Variants in CRIM1 observed in about 807,000 individuals in gnomAD.
CRIM1 encodes the protein cysteine-rich motor neuron 1 protein.
CRIM1 carries 32 observed loss-of-function variants against 116.4 expected under a neutral mutation model. The observed-to-expected ratio is 0.27, with a 90% CI of 0.21 to 0.37. CRIM1 has a LOEUF of 0.37. CRIM1 is among the 10% of genes least tolerant of loss of function. CRIM1 has a pLI of 1.00. For missense variants in CRIM1, 1,331 were observed against 1,354.8 expected (o/e 0.98, Z 0.28); for synonymous variants, 590 against 509.2 (o/e 1.16, Z -2.13).
intron 2 of CRIM1, among the ~76,000 whole-genome samples, chr2:36,430,460 T>G (rs961313172): frequency 6.6e-6 from 1 of 152,242 alleles, no homozygotes; most frequent in Non-Finnish European, 1.5e-5. Flanking sequence ...ATTTTTGTTT[T>G]TGCTACAGGT....
At chr2:36,506,865 T>A (rs1459074694) in intron 8 of CRIM1, among the ~76,000 whole-genome samples, 1 of 149,478 alleles carries the variant, frequency 6.7e-6, no homozygotes, top group African/African-American at 2.4e-5. Flanking sequence ...TATTTATTTA[T>A]TTTTTTTTTA....
In CRIM1 at chr2:36,359,303, T is replaced by C. The variant is rs140471088; in HGVS notation, c.331+2680T>C. Among the ~76,000 whole-genome samples the C allele has an allele frequency of 2.4e-4, 37 of 152,348 alleles. 1 individual carries two copies. In the East Asian group the frequency reaches 6.7e-3, roughly 28 times the overall value. On this transcript the variant is annotated intron_variant, in intron 1 of 16. Transcript: ENST00000280527. ...AAACATATTGCATGTTATAGAAATA[T>C]TATCATGACTAATCTCCCTGCTTTC...
intron 13 of CRIM1, among the ~76,000 whole-genome samples, chr2:36,533,822 C>A (rs1052899327): frequency 1.3e-4 from 20 of 152,272 alleles, no homozygotes; most frequent in African/African-American, 4.8e-4. Context: ...AGGTCAGTAT[C>A]ATTCAGAAAA....
chr2:36,389,136 T>A (rs1671389342), intron 1 of CRIM1, among the ~76,000 whole-genome samples: 1 of 152,256 alleles, frequency 6.6e-6, no homozygotes, highest in African/African-American at 2.4e-5. Context: ...AAATACATTT[T>A]TGTAACATGA....
intron 6 of CRIM1, among the ~76,000 whole-genome samples, chr2:36,477,969 C>G (rs1679115506): frequency 1.3e-5 from 2 of 152,172 alleles, no homozygotes; most frequent in African/African-American, 4.8e-5. Context: ...TCTTGTGAGC[C>G]TTCCTGTCCT....
chr2:36,465,954 C>T (rs1426510789), intron 5 of CRIM1, among the ~76,000 whole-genome samples: 1 of 151,232 alleles, frequency 6.6e-6, no homozygotes. Context: ...GGCGCAATCT[C>T]GGCTCACTGC....
Position 36,445,486 on chromosome 2 carries a change from C to CGGGA in CRIM1, c.869+2751_869+2752insGGGA, listed in dbSNP as rs879527421. 3.7e-3 allele frequency among the ~76,000 whole-genome samples: 560 copies of CGGGA among 152,354 alleles called. 6 individuals carry two copies. The Middle Eastern group carries it at 0.068, about 19-fold the overall frequency. On this transcript the variant is annotated intron_variant, in intron 4 of 16. Transcript: ENST00000280527. ...TAGAAACTTCCCACATAATCCTTTC[C>CGGGA]TATGCTGTCAGTTAATTATCGACTT...
In CRIM1 at chr2:36,455,006, C is replaced by T. The variant is rs115253661; in HGVS notation, c.870-9528C>T. The stretch of plus-strand genomic sequence containing the variant: ...TTTGGGCTCCGTTGTTAAAGAGGTA[C>T]AGTCAGGAGGAGGTTCAGGCCGCAG... On this transcript the variant is annotated intron_variant, in intron 4 of 16. Transcript: ENST00000280527. Among the ~76,000 whole-genome samples, 1,063 of 152,194 alleles carry T rather than the reference C, an allele frequency of 7.0e-3. 9 individuals carry two copies. Among genetic ancestry groups the T allele is most frequent in the African/African-American group, 0.025 (1,025 of 41,518 alleles).
intron 2 of CRIM1, among the ~76,000 whole-genome samples, chr2:36,405,658 A>G (rs948710099): frequency 6.6e-6 from 1 of 152,210 alleles, no homozygotes; most frequent in Non-Finnish European, 1.5e-5. Flanking sequence ...CTGCACAGAG[A>G]AATGGATTTG....
At chr2:36,373,600 T>G (rs756041736) in intron 1 of CRIM1, among the ~76,000 whole-genome samples, 1 of 152,152 alleles carries the variant, frequency 6.6e-6, no homozygotes, top group South Asian at 2.1e-4. Flanking sequence ...TTTTGAGAGG[T>G]AGAAATGAAG....
chr2:36,402,343 G>C (rs1228476142), intron 2 of CRIM1, among the ~76,000 whole-genome samples: 1 of 151,168 alleles, frequency 6.6e-6, no homozygotes, highest in Non-Finnish European at 1.5e-5. Context: ...CCTGAGGAGA[G>C]AGAATTCCAT....
Position 36,394,332 on chromosome 2 carries a change from C to T in CRIM1, c.332-2282C>T, listed in dbSNP as rs543072716. On this transcript the variant is annotated intron_variant, in intron 1 of 16. Transcript: ENST00000280527. ...TTTGCATATGTAGTCACAAAAATTC[C>T]TTCATGGCAAATCTGACTGAACTGT... 2.0e-5 allele frequency among the ~76,000 whole-genome samples: 3 copies of T among 152,168 alleles called. No individual in the cohort carries two copies. In the East Asian group the frequency reaches 5.8e-4, roughly 29 times the overall value.
intron 1 of CRIM1, among the ~76,000 whole-genome samples, chr2:36,391,775 T>G (rs1671624032): frequency 6.7e-6 from 1 of 148,872 alleles, no homozygotes; most frequent in African/African-American, 2.5e-5. Flanking sequence ...TTTTTTTCTT[T>G]TTCCACTTTG....
chr2:36,440,017 A>T (rs932112329), intron 2 of CRIM1, among the ~76,000 whole-genome samples: 72 of 152,216 alleles, frequency 4.7e-4, no homozygotes, highest in Non-Finnish European at 9.0e-4. Context: ...TTAGGTAGAC[A>T]AGAAATAGAT....
In CRIM1 at chr2:36,522,175, G is replaced by T. The variant is rs991652057; in HGVS notation, c.2290G>T (p.Ala764Ser). 2 of 1,614,190 alleles carry T rather than the reference G, an allele frequency of 1.2e-6. No individual in the cohort carries two copies. The highest frequency in any genetic ancestry group is 3.3e-5 in the Admixed American group (2 of 60,026). ...TGATGAAGGGGATATATTCCTGGCA[G>T]CTGAGTCCTGGAAGCCTGACGTTTG... Reference protein sequence around the residue: ...KNDEGDIFLAAESWKPDVCTS... With the variant: ...KNDEGDIFLASESWKPDVCTS... Residue 764 changes from alanine to serine, a missense_variant, in exon 13 of 17, where the codon GCT (alanine) becomes TCT (serine). Transcript: ENST00000280527.
At chr2:36,510,794 A>T (rs1664619021) in intron 9 of CRIM1, among the ~76,000 whole-genome samples, 1 of 151,270 alleles carries the variant, frequency 6.6e-6, no homozygotes, top group African/African-American at 2.4e-5. Flanking sequence ...AAGCACCTAT[A>T]TTTGCCTTTA....
chr2:36,387,692 GT>G (rs1671269479), intron 1 of CRIM1, among the ~76,000 whole-genome samples: 1 of 152,146 alleles, frequency 6.6e-6, no homozygotes, highest in Non-Finnish European at 1.5e-5. Context: ...CTAACTTTGA[GT>G]AACTTCCTGG....
intron 14 of CRIM1, among the ~76,000 whole-genome samples, chr2:36,543,541 G>A (rs924300211): frequency 6.6e-6 from 1 of 152,176 alleles, no homozygotes; most frequent in East Asian, 1.9e-4. Context: ...TGCCCGAAAG[G>A]AAATACGTGC....
chr2:36,456,003 T>C (rs1677104588), intron 4 of CRIM1, among the ~76,000 whole-genome samples: 1 of 152,116 alleles, frequency 6.6e-6, no homozygotes, highest in African/African-American at 2.4e-5. Flanking sequence ...GGATGCATGC[T>C]TAAAGTCATC....
Sources: gnomAD v4.1 joint callset for allele counts (sites outside exome capture counted in the v4.1 genomes callset) on GRCh38, gnomAD v4.1.1 for gene constraint, MANE v1.5 for transcripts, NCBI Gene and HGNC (gene_info 2026-07-23, HGNC 2026-07-21) for gene names.